The following RPS6KA3 variants were observed in gnomAD, a reference collection of about 807,000 sequenced individuals.
RPS6KA3 encodes ribosomal protein S6 kinase A3.
A neutral mutation model predicts 67.2 loss-of-function variants in RPS6KA3; 4 were observed. The observed-to-expected ratio is 0.06, with a 90% CI of 0.03 to 0.14. RPS6KA3 has a LOEUF of 0.14. Ranked by LOEUF, RPS6KA3 falls within the 10% of genes least tolerant of loss-of-function variation. RPS6KA3 has a pLI of 1.00. For missense variants in RPS6KA3, 204 were observed against 559.0 expected (o/e 0.36, Z 6.40); for synonymous variants, 182 against 183.7 (o/e 0.99, Z 0.07).
intron 1 of RPS6KA3, among the ~76,000 whole-genome samples, chrX:20,255,789 C>CAAAAAAA (rs766544803): frequency 5.8e-5 from 1 of 17,146 alleles, no homozygotes; most frequent in Non-Finnish European, 8.7e-5. Context: ...AATTTCGTCT[C>CAAAAAAA]AAAAAAAAAA....
At chrX:20,172,324 T>C (rs2067593464) in intron 15 of RPS6KA3, among the ~76,000 whole-genome samples, 1 of 112,196 alleles carries the variant, frequency 8.9e-6, no homozygotes, top group Non-Finnish European at 1.9e-5. Flanking sequence ...AATTTTATGA[T>C]AGTGGTTTTT....
In RPS6KA3 at chrX:20,224,303, C is replaced by T. The variant is rs373328746; in HGVS notation, c.126+10455G>A. Reference sequence around the variant, plus strand: ...AACAGGAGGTGCTGAACCTTTTCATCAGACCCCAAAGGAAGAGGGCTGAGT... The same window carrying T: ...AACAGGAGGTGCTGAACCTTTTCATTAGACCCCAAAGGAAGAGGGCTGAGT... On this transcript the variant is annotated intron_variant, in intron 2 of 21. Transcript: ENST00000379565. Among the ~76,000 whole-genome samples, 4 of 111,006 alleles carry T rather than the reference C, an allele frequency of 3.6e-5. No homozygotes were observed. In the East Asian group the frequency reaches 1.1e-3, roughly 31 times the overall value.
chrX:20,182,776 A>C (rs1413795823), intron 10 of RPS6KA3, among the ~76,000 whole-genome samples: 3 of 112,001 alleles, frequency 2.7e-5, no homozygotes, highest in African/African-American at 9.7e-5. Flanking sequence ...AAGGACAAAA[A>C]CTGCTTTCCA....
chrX:20,263,558 G>T (rs2070292434), intron 1 of RPS6KA3, among the ~76,000 whole-genome samples: 1 of 111,611 alleles, frequency 9.0e-6, no homozygotes, highest in African/African-American at 3.3e-5. Flanking sequence ...AACCACAAGG[G>T]TTTTTTTGTT....
At chrX:20,251,978 T>C (rs989963777) in intron 1 of RPS6KA3, among the ~76,000 whole-genome samples, 2 of 112,314 alleles carry the variant, frequency 1.8e-5, no homozygotes, top group Non-Finnish European at 3.8e-5. Context: ...CTTTTGTTAA[T>C]GTTCACCAGG....
chrX:20,261,080 C>T (rs2070213716), intron 1 of RPS6KA3, among the ~76,000 whole-genome samples: 1 of 108,805 alleles, frequency 9.2e-6, no homozygotes, highest in Non-Finnish European at 1.9e-5. Context: ...CTTACTCACA[C>T]GTGGGACTCA....
At chrX:20,199,006 A>G (rs759274151) in intron 4 of RPS6KA3, among the ~76,000 whole-genome samples, 138 of 109,607 alleles carry the variant, frequency 1.3e-3, no homozygotes, top group African/African-American at 4.4e-3. Context: ...TGAGTAGCTG[A>G]GATTACAGGT....
chrX:20,161,568 A>T (rs371127626), intron 20 of RPS6KA3, 76 bp downstream of exon 20: 3 of 443,905 alleles, frequency 6.8e-6, no homozygotes, highest in East Asian at 5.1e-5. Flanking sequence ...AAGGTTTCTA[A>T]CTGGTAGTAT....
At chrX:20,179,705 G>A (rs766744226) in intron 10 of RPS6KA3, among the ~76,000 whole-genome samples, 3 of 111,511 alleles carry the variant, frequency 2.7e-5, no homozygotes, top group African/African-American at 6.5e-5. Flanking sequence ...TTGGATGAGC[G>A]TTATTTCAAG....
chrX:20,226,790 AAAT>A (rs2069132396), intron 2 of RPS6KA3, among the ~76,000 whole-genome samples: 1 of 111,793 alleles, frequency 8.9e-6, no homozygotes, highest in Non-Finnish European at 1.9e-5. Context: ...TTTATGTGAT[AAAT>A]AATAACCTTA....
At chrX:20,169,359 T>C (rs1347802749) in intron 16 of RPS6KA3, 43 bp downstream of exon 16, 1 of 823,145 alleles carries the variant, frequency 1.2e-6, no homozygotes, top group East Asian at 3.1e-5. Context: ...CAATGTGAGT[T>C]AGACAACTGA....
chrX:20,196,809 G>A (rs1027532068), intron 4 of RPS6KA3, among the ~76,000 whole-genome samples: 3 of 111,574 alleles, frequency 2.7e-5, no homozygotes, highest in Admixed American at 9.5e-5. Flanking sequence ...TTGCCCGATC[G>A]CTACAACTCT....
intron 2 of RPS6KA3, 47 bp from the exon 3 acceptor site, chrX:20,209,451 T>C (rs929959968): frequency 1.4e-5 from 9 of 648,220 alleles, no homozygotes; most frequent in Non-Finnish European, 2.3e-5. Flanking sequence ...GCCAGAGCTA[T>C]TTTCTCCCGC....
At position 20,260,828 on chromosome X, in the gene RPS6KA3, T is replaced by C. The variant is rs183591857; in HGVS notation, c.69+5736A>G. On this transcript the variant is annotated intron_variant, in intron 1 of 21. Transcript: ENST00000379565. ...TTTTACAAATTAGGATGTTGAAGTA[T>C]AGAGATATTAAATATAACTTGCATA... 3.0e-3 allele frequency among the ~76,000 whole-genome samples: 330 copies of C among 111,771 alleles called. 2 individuals carry two copies. Among genetic ancestry groups the C allele is most frequent in the African/African-American group, 0.01 (313 of 30,786 alleles).
chrX:20,234,613 C>A, intron 2 of RPS6KA3, 145 bp downstream of exon 2: 1 of 484,686 alleles, frequency 2.1e-6, no homozygotes. Flanking sequence ...CTGGCATACT[C>A]AATAATGTAG....
intron 10 of RPS6KA3, among the ~76,000 whole-genome samples, chrX:20,180,116 T>A (rs983954392): frequency 3.7e-5 from 4 of 108,692 alleles, no homozygotes; most frequent in African/African-American, 6.7e-5. Context: ...TTTTTTTTTT[T>A]AAAAGAAAAG....
intron 14 of RPS6KA3, among the ~76,000 whole-genome samples, chrX:20,173,809 G>GA (rs978399294): frequency 2.2e-4 from 25 of 112,340 alleles, no homozygotes; most frequent in African/African-American, 7.7e-4. Context: ...ACTGACTCAT[G>GA]AAAAAACTTT....
At chrX:20,229,063 A>T (rs2069193369) in intron 2 of RPS6KA3, among the ~76,000 whole-genome samples, 1 of 111,398 alleles carries the variant, frequency 9.0e-6, no homozygotes. Flanking sequence ...ATATGGACTA[A>T]GCTACTATAA....
At chrX:20,187,793 C>T (rs1300993317) in intron 9 of RPS6KA3, 35 bp downstream of exon 9, 1 of 1,147,561 alleles carries the variant, frequency 8.7e-7, no homozygotes, top group Non-Finnish European at 1.2e-6. Context: ...TAACAATCTC[C>T]TTCCCCTCTA....
Sources: gnomAD v4.1 joint callset for allele counts (sites outside exome capture counted in the v4.1 genomes callset) on GRCh38, gnomAD v4.1.1 for gene constraint, MANE v1.5 for transcripts, NCBI Gene and HGNC (gene_info 2026-07-23, HGNC 2026-07-21) for gene names.